The following ANK2 variants were observed in gnomAD, a reference collection of about 807,000 sequenced individuals.
The protein encoded by ANK2 is ankyrin 2.
Under a neutral mutation model 360.5 loss-of-function variants are expected in ANK2, and 83 were observed. The observed-to-expected ratio is 0.23, with a 90% confidence interval of 0.19 to 0.28. ANK2 has a LOEUF of 0.28. Among genes scored for constraint, ANK2 ranks in the 10% least tolerant of loss-of-function variants. The pLI is 1.00. For synonymous variants in ANK2, 1,740 were observed against 1,759.5 expected (o/e 0.99, Z 0.28); for missense variants, 4,201 against 4,795.7 (o/e 0.88, Z 3.66).
At chr4:113,302,938 G>C (rs887228499) in intron 23 of ANK2, 99 bp downstream of exon 23, 2 of 1,050,432 alleles carry the variant, frequency 1.9e-6, no homozygotes, top group Admixed American at 1.8e-5. Context: ...GTGGATGACA[G>C]AATCTTAACA....
At chr4:112,812,031 C>T in the ANK2 span, among the ~76,000 whole-genome samples, 8 of 147,186 alleles carry the variant, frequency 5.4e-5, no homozygotes, top group East Asian at 8.2e-4. Context: ...GCCACGATCC[C>T]GCCACTGCAC....
At position 113,129,489 on chromosome 4, in the gene ANK2, GT is replaced by G. The variant is rs1217203979; in HGVS notation, c.85-44924del. On this transcript the variant is annotated intron_variant, in intron 1 of 45. Transcript: ENST00000357077. Reference sequence around the variant, plus strand: ...TGTTATGAAATTGCCATTTTTAGGTGTTTATTCTAAAGATAAAATGGAATTA... The same window carrying G: ...TGTTATGAAATTGCCATTTTTAGGTGTTATTCTAAAGATAAAATGGAATTA... 2.6e-5 allele frequency among the ~76,000 whole-genome samples: 4 copies of G among 152,220 alleles called. No homozygotes were observed. In the East Asian group the frequency reaches 7.7e-4, roughly 29 times the overall value.
intron 1 of ANK2, among the ~76,000 whole-genome samples, chr4:113,097,917 T>C (rs1177898731): frequency 2.7e-5 from 4 of 145,596 alleles, no homozygotes; most frequent in African/African-American, 1.0e-4. Context: ...TATGTATATA[T>C]ACACACACAC....
Position 113,354,051 on chromosome 4 carries a change from C to G in ANK2, c.5433C>G (p.Pro1811=). The G allele has an allele frequency of 6.2e-7, 1 of 1,614,098 alleles. No homozygotes were observed. The highest frequency in any genetic ancestry group is 1.3e-5 in the African/African-American group (1 of 75,050). The stretch of plus-strand genomic sequence containing the variant: ...ACAGGCCACATCCAGCTGCGTCACC[C>G]TCTCTGAAGTCAGAGAGACATGCGC... ...TTHRPHPAAS[P]SLKSERHAPG... The change falls in exon 38 of 46, where the codon CCC becomes CCG. Residue 1811 remains proline (P), a synonymous_variant. Transcript: ENST00000357077.
chr4:112,983,083 T>G (rs1038117719), intron 2 of ANK2, among the ~76,000 whole-genome samples: 1 of 152,208 alleles, frequency 6.6e-6, no homozygotes, highest in Admixed American at 6.5e-5. Context: ...TCATTAACTC[T>G]TAGCAGTATT....
At chr4:113,338,765 G>A (rs1287023733) in intron 31 of ANK2, among the ~76,000 whole-genome samples, 2 of 151,926 alleles carry the variant, frequency 1.3e-5, no homozygotes, top group East Asian at 3.9e-4. Context: ...TAGCCAGGAT[G>A]GTCTTGATCT....
chr4:112,716,907 C>G, the ANK2 span, among the ~76,000 whole-genome samples: 5 of 152,198 alleles, frequency 3.3e-5, no homozygotes, highest in African/African-American at 1.2e-4. Context: ...TGGGAGCCTA[C>G]TATCCACATT....
chr4:112,821,958 G>C (rs2057176017), intron 1 of ANK2, among the ~76,000 whole-genome samples: 1 of 151,702 alleles, frequency 6.6e-6, no homozygotes, highest in South Asian at 2.1e-4. Context: ...TGTAGACACA[G>C]GGTTTCACCT....
chr4:113,346,770 G>T (rs895319109), intron 35 of ANK2, among the ~76,000 whole-genome samples: 1 of 152,124 alleles, frequency 6.6e-6, no homozygotes, highest in African/African-American at 2.4e-5. Context: ...TTGAAAAGGA[G>T]AAATACATTA....
intron 1 of ANK2, among the ~76,000 whole-genome samples, chr4:112,892,419 A>C (rs891064034): frequency 6.6e-6 from 1 of 152,212 alleles, no homozygotes; most frequent in Non-Finnish European, 1.5e-5. Context: ...GAGGATTAGA[A>C]TGAAGTAAGT....
chr4:112,887,029 C>T (rs2078611916), intron 1 of ANK2, among the ~76,000 whole-genome samples: 1 of 152,096 alleles, frequency 6.6e-6, no homozygotes, highest in Non-Finnish European at 1.5e-5. Context: ...AGGTTTTTTT[C>T]AAGAGGCTTC....
intron 4 of ANK2, among the ~76,000 whole-genome samples, chr4:113,230,536 C>T (rs1007430086): frequency 5.9e-5 from 9 of 151,966 alleles, no homozygotes; most frequent in African/African-American, 2.2e-4. Flanking sequence ...AATGTTTTCT[C>T]CTCTTTTAAG....
upstream of ANK2, among the ~76,000 whole-genome samples, chr4:112,813,231 C>G (rs2055428264): frequency 8.7e-6 from 1 of 115,602 alleles, no homozygotes; most frequent in South Asian, 3.3e-4. Flanking sequence ...GAGTGAGACT[C>G]TGTCTAAAAA....
chr4:112,866,923 A>G (rs1372088215), intron 1 of ANK2, among the ~76,000 whole-genome samples: 10 of 152,126 alleles, frequency 6.6e-5, no homozygotes, highest in Admixed American at 5.2e-4. Context: ...TAAATTACAG[A>G]TAAATCTAAG....
At chr4:113,183,704 A>G (rs1307516441) in intron 2 of ANK2, among the ~76,000 whole-genome samples, 1 of 152,062 alleles carries the variant, frequency 6.6e-6, no homozygotes, top group Non-Finnish European at 1.5e-5. Context: ...GAGGAAGTTT[A>G]TAATTATTGG....
chr4:113,016,983 G>A (rs569237499), intron 2 of ANK2, among the ~76,000 whole-genome samples: 3 of 152,246 alleles, frequency 2.0e-5, no homozygotes, highest in Admixed American at 6.5e-5. Flanking sequence ...GTGAATTACC[G>A]CTATCATCTA....
intron 2 of ANK2, among the ~76,000 whole-genome samples, chr4:112,977,771 C>T (rs1004322075): frequency 2.0e-4 from 31 of 151,982 alleles, no homozygotes; most frequent in African/African-American, 7.3e-4. Context: ...GTGATGTTCC[C>T]CTCTCTGTGT....
At chr4:113,336,838 T>C in intron 31 of ANK2, 57 bp downstream of exon 31, 3 of 1,519,866 alleles carry the variant, frequency 2.0e-6, no homozygotes, top group Non-Finnish European at 2.7e-6. Flanking sequence ...CTTAGATCGT[T>C]GTAAATATTA....
intron 35 of ANK2, among the ~76,000 whole-genome samples, chr4:113,346,559 A>G (rs1031418748): frequency 2.0e-5 from 3 of 152,008 alleles, no homozygotes; most frequent in Non-Finnish European, 2.9e-5. Context: ...ATATTTTAGG[A>G]GCATATAAAC....
Sources: gnomAD v4.1 joint callset for allele counts (sites outside exome capture counted in the v4.1 genomes callset) on GRCh38, gnomAD v4.1.1 for gene constraint, MANE v1.5 for transcripts, NCBI Gene and HGNC (gene_info 2026-07-23, HGNC 2026-07-21) for gene names.